The following DPYSL2 variants were observed in gnomAD, a reference collection of about 807,000 sequenced individuals.
DPYSL2 encodes dihydropyrimidinase-related protein 2.
Under a neutral mutation model 69.9 loss-of-function variants are expected in DPYSL2, and 13 were observed. The observed-to-expected ratio is 0.19, with a 90% CI of 0.12 to 0.30. DPYSL2 has a LOEUF of 0.30. Among genes scored for constraint, DPYSL2 ranks in the 10% least tolerant of loss-of-function variants. The pLI is 1.00. For missense variants in DPYSL2, 587 were observed against 918.9 expected (o/e 0.64, Z 4.67); for synonymous variants, 326 against 359.1 (o/e 0.91, Z 1.04).
chr8:26,655,152 T>C (rs1803356003), intron 13 of DPYSL2, among the ~76,000 whole-genome samples: 1 of 151,956 alleles, frequency 6.6e-6, no homozygotes, highest in South Asian at 2.1e-4. Flanking sequence ...CCATGCCTGC[T>C]CTCCACCTCC....
intron 1 of DPYSL2, among the ~76,000 whole-genome samples, chr8:26,538,496 C>A (rs1800631518): frequency 6.6e-6 from 1 of 152,172 alleles, no homozygotes; most frequent in Non-Finnish European, 1.5e-5. Context: ...GCGGGAGGAC[C>A]TCAGTGGTCC....
chr8:26,570,594 A>T lies in DPYSL2; in HGVS notation c.355-11375A>T, dbSNP rs559238421. On this transcript the variant is annotated intron_variant, in intron 1 of 13. Transcript: ENST00000521913. ...TCTACTAAAAATACAAAAATTAGCC[A>T]GGTGTGGTGGGCACCTGTAATCCCA... 3.9e-5 allele frequency among the ~76,000 whole-genome samples: 6 copies of T among 152,126 alleles called. No homozygotes were observed. The South Asian group carries it at 1.3e-3, about 32-fold the overall frequency.
In DPYSL2 at chr8:26,517,094, C is replaced by A. The variant is rs1808302484; in HGVS notation, c.354+2415C>A. 6.6e-6 allele frequency among the ~76,000 whole-genome samples: 1 copy of A among 152,120 alleles called. No individual in the cohort carries two copies. Among genetic ancestry groups the A allele is most frequent in the African/African-American group, 2.4e-5 (1 of 41,428 alleles). On this transcript the variant is annotated intron_variant, in intron 1 of 13. Transcript: ENST00000521913. The surrounding 1 kb of genome is among the most constrained non-coding windows in gnomAD (Gnocchi z 4.2). Reference sequence around the variant, plus strand: ...TGGGGGAGATTGAGAATGGGTGGATCCTGGGACCCTGACTCACACCATCCC... The same window carrying A: ...TGGGGGAGATTGAGAATGGGTGGATACTGGGACCCTGACTCACACCATCCC...
chr8:26,620,380 C>T lies in DPYSL2; in HGVS notation c.629-3763C>T, dbSNP rs1433748159. 6.6e-6 allele frequency among the ~76,000 whole-genome samples: 1 copy of T among 152,110 alleles called. No homozygotes were observed. Among genetic ancestry groups the T allele is most frequent in the Non-Finnish European group, 1.5e-5 (1 of 68,020 alleles). Reference sequence around the variant, plus strand: ...CAAGTGATTCTCCTGCCTCAGCCTCCTGAGTAGCTGGGATTACAGGCACCT... The same window carrying T: ...CAAGTGATTCTCCTGCCTCAGCCTCTTGAGTAGCTGGGATTACAGGCACCT... On this transcript the variant is annotated intron_variant, in intron 3 of 13. Coordinates refer to ENST00000521913, the MANE Select transcript of DPYSL2 (RefSeq NM_001197293.3). This position sits in a 1 kb window ranked among gnomAD's most constrained non-coding sequence, Gnocchi z 4.5.
At chr8:26,628,601 C>G (rs1802671007) in intron 7 of DPYSL2, among the ~76,000 whole-genome samples, 1 of 152,214 alleles carries the variant, frequency 6.6e-6, no homozygotes, top group African/African-American at 2.4e-5. Context: ...TCCTTAATGA[C>G]AGGCTGGATG....
Position 26,643,820 on chromosome 8 carries a change from G to T in DPYSL2, c.1284-130G>T. On this transcript the variant is annotated intron_variant, in intron 9 of 13. Coordinates refer to ENST00000521913, the MANE Select transcript of DPYSL2 (RefSeq NM_001197293.3). The surrounding 1 kb of genome is among the most constrained non-coding windows in gnomAD (Gnocchi z 6.5). ...GCCATGTTGAAAGTCAAGCCAAGAA[G>T]GGAGAGGAGGCGTCAAAAGGACTCC... 1 of 1,315,320 alleles carries T rather than the reference G, an allele frequency of 7.6e-7. No homozygotes were observed. 81.5% of individuals were successfully genotyped at this position (1,315,320 alleles called of 1,614,324 possible).
Position 26,652,945 on chromosome 8 carries a change from C to T in DPYSL2, c.1777-287C>T, listed in dbSNP as rs1003491249. On this transcript the variant is annotated intron_variant, in intron 12 of 13. Coordinates refer to ENST00000521913, the MANE Select transcript of DPYSL2 (RefSeq NM_001197293.3). The surrounding 1 kb of genome is among the most constrained non-coding windows in gnomAD (Gnocchi z 6.3). ...CAGATCTTGAACATGATACCAGATC[C>T]GCCTCACAGCATGCTTAGGGGATTC... Among the ~76,000 whole-genome samples, 9 of 152,108 alleles carry T rather than the reference C, an allele frequency of 5.9e-5. No individual in the cohort carries two copies. The highest frequency in any genetic ancestry group is 1.2e-4 in the Non-Finnish European group (8 of 68,028).
Position 26,655,852 on chromosome 8 carries a change from C to CCCAAGGGGGA in DPYSL2, c.*148_*149insAAGGGGGACC. 2 of 787,004 alleles carry CCCAAGGGGGA rather than the reference C, an allele frequency of 2.5e-6. No individual in the cohort carries two copies. The highest frequency in any genetic ancestry group is 3.7e-6 in the Non-Finnish European group (2 of 541,122). 48.8% of individuals were successfully genotyped at this position (787,004 alleles called of 1,614,324 possible). A position where few individuals can be genotyped will look rare whatever the true frequency, so the allele number is the denominator to read the frequency against. ...CTGTGGAGCAGCCAGTTCATGGGGT[C>CCCAAGGGGGA]CCCCTTGGGGCCCCACACCCCGTCT... On this transcript the variant is annotated 3_prime_UTR_variant, in exon 14 of 14. Coordinates refer to ENST00000521913, the MANE Select transcript of DPYSL2 (RefSeq NM_001197293.3).
At chr8:26,547,812 CT>C in intron 1 of DPYSL2, 1 of 364,696 alleles carries the variant, frequency 2.7e-6, no homozygotes, top group Non-Finnish European at 5.7e-6. Context: ...CCTACAGATT[CT>C]TGCCACAGAA....
intron 1 of DPYSL2, 144 bp from the exon 2 acceptor site, chr8:26,581,825 A>G: frequency 1.5e-6 from 1 of 653,724 alleles, no homozygotes; most frequent in Middle Eastern, 2.8e-4. Context: ...ATACAGGCTT[A>G]CCTTTGTCAC....
In DPYSL2 at chr8:26,626,575, T is replaced by C. The variant is rs762615114; in HGVS notation, c.794-42T>C. On this transcript the variant is annotated intron_variant, in intron 4 of 13. Coordinates refer to ENST00000521913, the MANE Select transcript of DPYSL2 (RefSeq NM_001197293.3). This position sits in a 1 kb window ranked among gnomAD's most constrained non-coding sequence, Gnocchi z 4.3. ...TCTTATCCCTTATTTGGTTATTTGG[T>C]TTATCTATTAAAAGTCCACTTCTCT... 1 of 1,588,708 alleles carries C rather than the reference T, an allele frequency of 6.3e-7. No homozygotes were observed. Among genetic ancestry groups the C allele is most frequent in the Non-Finnish European group, 8.6e-7 (1 of 1,157,560 alleles).
At position 26,597,721 on chromosome 8, in the gene DPYSL2, G is replaced by A. The variant is rs560052367; in HGVS notation, c.628+13738G>A. 2.0e-5 allele frequency among the ~76,000 whole-genome samples: 3 copies of A among 150,678 alleles called. No individual in the cohort carries two copies. The highest frequency in any genetic ancestry group is 2.9e-5 in the Non-Finnish European group (2 of 67,872). On this transcript the variant is annotated intron_variant, in intron 3 of 13. Transcript: ENST00000521913. The surrounding 1 kb of genome is among the most constrained non-coding windows in gnomAD (Gnocchi z 5.2). ...GATCTCCTGACCTTGTGATCCACCC[G>A]CCTCGGCCTCCCAAAGTGCTGGGAT...
chr8:26,643,196 G>GGGA lies in DPYSL2; in HGVS notation c.1127-240_1127-238dup, dbSNP rs1352336766. The GGGA allele has an allele frequency of 3.8e-5, 17 of 452,792 alleles. No homozygotes were observed. Among genetic ancestry groups the GGGA allele is most frequent in the Middle Eastern group, 5.6e-4 (1 of 1,798 alleles). The allele number at this position is 452,792 out of a possible 1,614,324, so 28.0% of individuals were successfully genotyped here. Reference sequence around the variant, plus strand: ...CCTTCAGGATGTCTGGGATCCTATAGGGAGGGTGTGTTGTTTGAAGAGCAG... The same window carrying GGGA: ...CCTTCAGGATGTCTGGGATCCTATAGGGAGGAGGGTGTGTTGTTTGAAGAGCAG... On this transcript the variant is annotated intron_variant, in intron 8 of 13. Transcript: ENST00000521913. The surrounding 1 kb of genome is among the most constrained non-coding windows in gnomAD (Gnocchi z 6.5).
At chr8:26,515,829 AG>A (rs1343191360) in intron 1 of DPYSL2, among the ~76,000 whole-genome samples, 1 of 152,246 alleles carries the variant, frequency 6.6e-6, no homozygotes, top group Non-Finnish European at 1.5e-5. Context: ...CTTGCCTTGT[AG>A]GGCAGAGGGA....
chr8:26,523,071 T>C (rs1434878001), intron 1 of DPYSL2, among the ~76,000 whole-genome samples: 1 of 152,064 alleles, frequency 6.6e-6, no homozygotes, highest in African/African-American at 2.4e-5. Flanking sequence ...ATAAGCCTGA[T>C]TCTTCTATCT....
chr8:26,636,675 G>A (rs1388609337), intron 8 of DPYSL2, among the ~76,000 whole-genome samples: 3 of 152,062 alleles, frequency 2.0e-5, no homozygotes, highest in African/African-American at 4.8e-5. Flanking sequence ...GTGTTGTTGC[G>A]GTGCCCAGTT....
Position 26,652,234 on chromosome 8 carries a change from A to C in DPYSL2, c.1597-23A>C. The C allele has an allele frequency of 6.2e-7, 1 of 1,603,646 alleles. No individual in the cohort carries two copies. Among genetic ancestry groups the C allele is most frequent in the Non-Finnish European group, 8.5e-7 (1 of 1,174,322 alleles). ...GTCCAGCCAGAGTGGCCTGTTCTAG[A>C]GTTTACTTTGCCTTCTTCTCAGTCT... On this transcript the variant is annotated intron_variant, in intron 11 of 13. Transcript: ENST00000521913. This position sits in a 1 kb window ranked among gnomAD's most constrained non-coding sequence, Gnocchi z 6.3.
chr8:26,599,669 AT>A (rs959201926), intron 3 of DPYSL2, among the ~76,000 whole-genome samples: 2 of 151,274 alleles, frequency 1.3e-5, no homozygotes, highest in African/African-American at 4.9e-5. Flanking sequence ...AAAATTTTTG[AT>A]TCTACTACTG....
chr8:26,630,307 C>T (rs1376080826), intron 7 of DPYSL2, among the ~76,000 whole-genome samples: 3 of 152,208 alleles, frequency 2.0e-5, no homozygotes, highest in African/African-American at 4.8e-5. Context: ...ATCCACCTGT[C>T]GGGTGGTTTA....
Sources: allele counts gnomAD v4.1 joint callset (sites outside exome capture counted in the v4.1 genomes callset), GRCh38; gene constraint gnomAD v4.1.1; non-coding constraint Gnocchi (gnomAD v3.1); transcripts MANE v1.5; gene names NCBI Gene and HGNC (gene_info 2026-07-23, HGNC 2026-07-21).